The following GPD1L variants were observed in gnomAD, a reference collection of about 807,000 sequenced individuals.
GPD1L encodes glycerol-3-phosphate dehydrogenase 1 like.
In GPD1L, 17 loss-of-function variants were observed where a neutral mutation model predicts 32.9. That is an observed-to-expected ratio of 0.52 (90% CI 0.35 to 0.78). The LOEUF is 0.78. Ranked by LOEUF, GPD1L falls within the 30% of genes least tolerant of loss-of-function variation. GPD1L has a pLI of 0.01. For missense variants in GPD1L, 361 were observed against 447.8 expected, an observed-to-expected ratio of 0.81 and a Z score of 1.75; for synonymous variants, 187 against 165.9, an observed-to-expected ratio of 1.13 and a Z score of -0.98.
rs763553263 is a variant in GPD1L at position 32,138,710 on chromosome 3, G to A, written c.349G>A (p.Gly117Arg). ...ITGRVPKKAL[G>R]ITLIKGIDEG... is the part of the protein sequence containing the mutation. ...TGGGAGAGTGCCCAAGAAAGCGCTG[G>A]GAATCACCCTCATCAAGGTAACTCG... The change falls in exon 3 of 8, where the codon GGA becomes AGA. Residue 117 changes from glycine (G) to arginine (R), a missense_variant. Transcript: ENST00000282541. 1 of 1,614,042 alleles carries A rather than the reference G, an allele frequency of 6.2e-7. No homozygotes were observed. Among genetic ancestry groups the A allele is most frequent in the South Asian group, 1.1e-5 (1 of 91,074 alleles).
intron 5 of GPD1L, 86 bp from the exon 6 acceptor site, chr3:32,158,790 C>T: frequency 6.4e-7 from 1 of 1,556,500 alleles, no homozygotes; most frequent in Non-Finnish European, 8.7e-7. Context: ...TGGTCTGCCC[C>T]TGCCTCGGCA....
chr3:32,133,043 C>T (rs543143617), intron 2 of GPD1L, among the ~76,000 whole-genome samples: 82 of 152,152 alleles, frequency 5.4e-4, no homozygotes, highest in Non-Finnish European at 1.1e-3. Flanking sequence ...CCAAGTATGA[C>T]ACTGCTATGT....
Position 32,152,294 on chromosome 3 carries a change from T to G in GPD1L, c.618+5560T>G, listed in dbSNP as rs183585993. Among the ~76,000 whole-genome samples the G allele has an allele frequency of 2.0e-5, 3 of 151,828 alleles. No individual in the cohort carries two copies. In the East Asian group the frequency reaches 5.8e-4, roughly 29 times the overall value. ...AAATCCAGAATGTATATGACAATTC[T>G]ATTCTATAGAATTCGCAGGGATCCA... On this transcript the variant is annotated intron_variant, in intron 5 of 7. Transcript: ENST00000282541.
At chr3:32,134,513 G>A (rs1404131214) in intron 2 of GPD1L, among the ~76,000 whole-genome samples, 2 of 152,172 alleles carry the variant, frequency 1.3e-5, no homozygotes, top group Non-Finnish European at 2.9e-5. Context: ...TTGTGACAGG[G>A]CCTCACTCTG....
chr3:32,164,324 A>G (rs1251361234), intron 7 of GPD1L, among the ~76,000 whole-genome samples: 2 of 152,184 alleles, frequency 1.3e-5, no homozygotes, highest in African/African-American at 4.8e-5. Flanking sequence ...TTTAAATCCA[A>G]TCCACAGGAA....
chr3:32,113,520 C>T (rs144236303), intron 1 of GPD1L, among the ~76,000 whole-genome samples: 16 of 152,286 alleles, frequency 1.1e-4, no homozygotes, highest in Middle Eastern at 3.4e-3. Flanking sequence ...CTTTCCCTTT[C>T]CTCCTCCCCA....
At chr3:32,123,791 A>AAGATAGATATATAGATAGAT (rs1700459583) in intron 1 of GPD1L, among the ~76,000 whole-genome samples, 1 of 126,890 alleles carries the variant, frequency 7.9e-6, no homozygotes, top group Non-Finnish European at 1.7e-5. Context: ...CAGGAATTGA[A>AAGATAGATATATAGATAGAT]AGATAGATAG....
chr3:32,121,920 G>A (rs1029303436), intron 1 of GPD1L, among the ~76,000 whole-genome samples: 28 of 151,486 alleles, frequency 1.8e-4, no homozygotes, highest in Admixed American at 1.6e-3. Context: ...ACAGGCACGC[G>A]CCACCACGCC....
At chr3:32,140,159 G>A in intron 3 of GPD1L, 69 bp from the exon 4 acceptor site, 2 of 1,525,196 alleles carry the variant, frequency 1.3e-6, no homozygotes, top group Non-Finnish European at 1.8e-6. Flanking sequence ...GTAGCCATGG[G>A]ACATCTACTA....
chr3:32,147,824 T>G (rs967686699), intron 5 of GPD1L, among the ~76,000 whole-genome samples: 1 of 152,206 alleles, frequency 6.6e-6, no homozygotes, highest in Admixed American at 6.5e-5. Context: ...ATAAATTGTA[T>G]ATGTTTTTTT....
Position 32,128,144 on chromosome 3 carries a change from A to G in GPD1L, c.116A>G (p.Lys39Arg). ...CTTCAGAAATTTGCCTCCACAGTCA[A>G]GATGTGGGTCTTTGAAGAAACAGTG... Reference protein sequence around the residue: ...KKLQKFASTVKMWVFEETVNG... With the variant: ...KKLQKFASTVRMWVFEETVNG... The change falls in exon 2 of 8, where the codon AAG becomes AGG. Residue 39 changes from lysine to arginine, a missense_variant. Physicochemically the swap from Lys to Arg is conservative, Grantham distance 26 (BLOSUM62 2). Transcript: ENST00000282541. The G allele has an allele frequency of 6.2e-7, 1 of 1,610,438 alleles. No individual in the cohort carries two copies. The highest frequency in any genetic ancestry group is 8.5e-7 in the Non-Finnish European group (1 of 1,176,588).
chr3:32,148,243 C>G (rs1332518864), intron 5 of GPD1L, among the ~76,000 whole-genome samples: 2 of 152,162 alleles, frequency 1.3e-5, no homozygotes, highest in African/African-American at 4.8e-5. Context: ...CTGCCCAGAG[C>G]AAAGAGTGCT....
In GPD1L at chr3:32,126,553, T is replaced by G. The variant is rs561389666; in HGVS notation, c.48-1523T>G. Among the ~76,000 whole-genome samples the G allele has an allele frequency of 9.2e-5, 14 of 152,284 alleles. No homozygotes were observed. The South Asian group carries it at 1.2e-3, about 14-fold the overall frequency. The stretch of plus-strand genomic sequence containing the variant: ...GTACGTGAGCAGCTGTTTCCAAGAT[T>G]AGAATAAAGGTGGTAGTGATGGTGG... On this transcript the variant is annotated intron_variant, in intron 1 of 7. Transcript: ENST00000282541.
chr3:32,158,424 CT>C (rs1270592687), intron 5 of GPD1L: 1 of 213,614 alleles, frequency 4.7e-6, no homozygotes, highest in Non-Finnish European at 9.6e-6. Flanking sequence ...ACTGGCTGTG[CT>C]TTTCTCCTTG....
chr3:32,139,052 C>T (rs1700704224), intron 3 of GPD1L, among the ~76,000 whole-genome samples: 5 of 152,018 alleles, frequency 3.3e-5, no homozygotes, highest in Admixed American at 1.3e-4. Context: ...ACCATTAGTG[C>T]CCATTCTTGG....
intron 1 of GPD1L, among the ~76,000 whole-genome samples, chr3:32,114,658 G>C (rs185855249): frequency 4.6e-5 from 7 of 152,308 alleles, no homozygotes; most frequent in Admixed American, 3.9e-4. Flanking sequence ...GGTTCCTTCC[G>C]GTGGGTTCTT....
chr3:32,127,388 C>T (rs1700525855), intron 1 of GPD1L, among the ~76,000 whole-genome samples: 2 of 152,354 alleles, frequency 1.3e-5, no homozygotes, highest in Admixed American at 1.3e-4. Context: ...GGTGCCTGGT[C>T]CAACCTCCTC....
chr3:32,121,204 C>G (rs1340459243), intron 1 of GPD1L, among the ~76,000 whole-genome samples: 1 of 151,982 alleles, frequency 6.6e-6, no homozygotes, highest in Non-Finnish European at 1.5e-5. Flanking sequence ...CTGATCCTTT[C>G]CATTTCTCTT....
intron 2 of GPD1L, among the ~76,000 whole-genome samples, chr3:32,135,369 A>T (rs1282807167): frequency 6.6e-6 from 1 of 152,242 alleles, no homozygotes; most frequent in Non-Finnish European, 1.5e-5. Flanking sequence ...AGGCAAACAC[A>T]TGAGAACAAA....
Sources: allele counts gnomAD v4.1 joint callset (sites outside exome capture counted in the v4.1 genomes callset), GRCh38; gene constraint gnomAD v4.1.1; transcripts MANE v1.5; gene names NCBI Gene and HGNC (gene_info 2026-07-23, HGNC 2026-07-21).